PRKG1: variants seen among roughly 807,000 people sequenced by gnomAD.
PRKG1 encodes cGMP-dependent protein kinase 1.
PRKG1 carries 35 observed loss-of-function variants against 88.1 expected under a neutral mutation model. That is an observed-to-expected ratio of 0.40 (90% CI 0.30 to 0.53). The LOEUF is 0.53. Among genes scored for constraint, PRKG1 ranks in the 20% least tolerant of loss-of-function variants. The probability of loss-of-function intolerance (pLI) is 0.59; values close to 1 mark genes in which losing one functional copy is unlikely to be tolerated. For synonymous variants in PRKG1, 303 were observed against 292.5 expected (o/e 1.04, Z -0.37); for missense variants, 540 against 839.8 (o/e 0.64, Z 4.41).
At chr10:51,514,513 G>A (rs1307368854) in intron 3 of PRKG1, among the ~76,000 whole-genome samples, 1 of 152,156 alleles carries the variant, frequency 6.6e-6, no homozygotes, top group Non-Finnish European at 1.5e-5. Context: ...GAAAGGCAGG[G>A]AGTTTATTCC....
intron 3 of PRKG1, among the ~76,000 whole-genome samples, chr10:51,608,971 G>A (rs1838834846): frequency 6.6e-6 from 1 of 152,036 alleles, no homozygotes; most frequent in African/African-American, 2.4e-5. Context: ...TGTATGATGA[G>A]TTTGTATTTT....
intron 2 of PRKG1, among the ~76,000 whole-genome samples, chr10:51,182,157 C>T (rs1837364959): frequency 6.6e-6 from 1 of 152,070 alleles, no homozygotes; most frequent in South Asian, 2.1e-4. Flanking sequence ...GCTGGCTACA[C>T]AAAAGTGCTT....
At chr10:51,691,682 TGTTTTTATACTGAGTAAAAGCAGGA>T (rs1382093873) in intron 3 of PRKG1, among the ~76,000 whole-genome samples, 2 of 152,206 alleles carry the variant, frequency 1.3e-5, no homozygotes, top group Non-Finnish European at 2.9e-5. Context: ...CTAATAATTA[TGTTTTTATACTGAGTAAAAGCAGGA>T]GTTGTAAGCT....
intron 5 of PRKG1, among the ~76,000 whole-genome samples, chr10:51,914,456 A>G (rs1227393741): frequency 6.6e-6 from 1 of 152,208 alleles, no homozygotes; most frequent in African/African-American, 2.4e-5. Flanking sequence ...GGAGAACCAA[A>G]TTAAGTCAAC....
intron 2 of PRKG1, among the ~76,000 whole-genome samples, chr10:51,260,885 C>A (rs1376961013): frequency 6.6e-6 from 1 of 152,178 alleles, no homozygotes; most frequent in Non-Finnish European, 1.5e-5. Flanking sequence ...TTTTAGCAAG[C>A]ACCATAATAT....
intron 3 of PRKG1, among the ~76,000 whole-genome samples, chr10:51,732,535 G>C (rs1564625265): frequency 6.6e-6 from 1 of 152,172 alleles, no homozygotes; most frequent in African/African-American, 2.4e-5. Context: ...TGAGATTCAA[G>C]AAAGTGAAAT....
intron 7 of PRKG1, among the ~76,000 whole-genome samples, chr10:52,105,570 G>T (rs781431568): frequency 6.6e-6 from 1 of 152,022 alleles, no homozygotes; most frequent in African/African-American, 2.4e-5. Flanking sequence ...GAAATCTTTC[G>T]GAGAAGTGAA....
chr10:51,940,016 A>G (rs1842872804), intron 5 of PRKG1, among the ~76,000 whole-genome samples: 1 of 151,948 alleles, frequency 6.6e-6, no homozygotes, highest in Admixed American at 6.6e-5. Flanking sequence ...TTGAATTAAA[A>G]TTAATGAAAA....
chr10:52,246,683 C>T (rs530275920), intron 9 of PRKG1, among the ~76,000 whole-genome samples: 2 of 152,034 alleles, frequency 1.3e-5, no homozygotes, highest in South Asian at 4.2e-4. Flanking sequence ...TCAAGACCAG[C>T]CTGACCAACA....
At chr10:51,366,883 A>G (rs1462091673) in intron 2 of PRKG1, among the ~76,000 whole-genome samples, 2 of 151,946 alleles carry the variant, frequency 1.3e-5, no homozygotes, top group Admixed American at 6.6e-5. Flanking sequence ...AGAGGTAAAA[A>G]CACATGTCTA....
intron 5 of PRKG1, among the ~76,000 whole-genome samples, chr10:51,974,366 CCAAAT>C (rs1193048147): frequency 6.6e-6 from 1 of 152,024 alleles, no homozygotes; most frequent in Non-Finnish European, 1.5e-5. Flanking sequence ...TCCTCCCCAC[CCAAAT>C]CATTTTGTAT....
At chr10:51,237,201 T>C (rs1356636063) in intron 2 of PRKG1, among the ~76,000 whole-genome samples, 2 of 152,236 alleles carry the variant, frequency 1.3e-5, no homozygotes, top group African/African-American at 4.8e-5. Context: ...AAATAATGTT[T>C]TACCTTACCA....
chr10:51,765,322 A>C (rs993317990), intron 3 of PRKG1, among the ~76,000 whole-genome samples: 8 of 152,190 alleles, frequency 5.3e-5, no homozygotes, highest in African/African-American at 1.9e-4. Flanking sequence ...TCTCTTATAC[A>C]AAACTCCCTT....
At position 52,211,716 on chromosome 10, in the gene PRKG1, A is replaced by G. The variant is rs1839978714; in HGVS notation, c.1077-39854A>G. ...TATCCTGGTAAAAAAAAAAAAAAAA[A>G]AGAAAAGTAATTCAATAATTGGTTA... On this transcript the variant is annotated intron_variant, in intron 9 of 17. Transcript: ENST00000373980. Among the ~76,000 whole-genome samples the G allele has an allele frequency of 2.0e-5, 3 of 151,460 alleles. No homozygotes were observed. The South Asian group carries it at 6.2e-4, about 32-fold the overall frequency.
At chr10:51,852,747 A>G (rs1007656456) in intron 4 of PRKG1, among the ~76,000 whole-genome samples, 5 of 152,206 alleles carry the variant, frequency 3.3e-5, no homozygotes, top group African/African-American at 1.2e-4. Context: ...CATGAGTTTC[A>G]TCAGATAACT....
At chr10:52,064,291 C>A (rs896548029) in intron 7 of PRKG1, among the ~76,000 whole-genome samples, 1 of 152,232 alleles carries the variant, frequency 6.6e-6, no homozygotes, top group Non-Finnish European at 1.5e-5. Context: ...CTGCCCTGAG[C>A]ATGTGCACAC....
intron 5 of PRKG1, chr10:52,047,007 T>C (rs1845877246): frequency 6.6e-6 from 1 of 152,124 alleles, no homozygotes; most frequent in South Asian, 2.1e-4. Flanking sequence ...AGATGAGATG[T>C]AGCGCTTAAA....
intron 1 of PRKG1, among the ~76,000 whole-genome samples, chr10:51,063,544 A>G (rs1300824524): frequency 6.6e-6 from 1 of 152,218 alleles, no homozygotes; most frequent in African/African-American, 2.4e-5. Flanking sequence ...TATGTATAGC[A>G]GCTTCATTAG....
At chr10:51,022,883 G>C (rs1303090086) in intron 1 of PRKG1, among the ~76,000 whole-genome samples, 1 of 152,174 alleles carries the variant, frequency 6.6e-6, no homozygotes, top group Admixed American at 6.5e-5. Context: ...TATAATCCCA[G>C]CTACCTGGGA....
Sources: allele counts gnomAD v4.1 joint callset (sites outside exome capture counted in the v4.1 genomes callset), GRCh38; gene constraint gnomAD v4.1.1; transcripts MANE v1.5; gene names NCBI Gene and HGNC (gene_info 2026-07-23, HGNC 2026-07-21).